Variants in GALNTL5 observed in about 807,000 individuals in gnomAD.
GALNTL5 encodes polypeptide N-acetylgalactosaminyltransferase like 5, also known as inactive polypeptide N-acetylgalactosaminyltransferase-like protein 5.
GALNTL5 carries 44 observed loss-of-function variants against 51.0 expected under a neutral mutation model. The observed-to-expected ratio is 0.86, with a 90% confidence interval of 0.68 to 1.11. The LOEUF (loss-of-function observed/expected upper bound fraction) is 1.11. Ranked by LOEUF, GALNTL5 falls within the 50% of genes least tolerant of loss-of-function variation. GALNTL5 has a pLI of 0.00. For synonymous variants in GALNTL5, 192 were observed against 182.8 expected (o/e 1.05, Z -0.41); for missense variants, 528 against 531.8 (o/e 0.99, Z 0.07).
Position 151,971,053 on chromosome 7 carries a change from C to T in GALNTL5, c.356C>T (p.Thr119Ile). 1 of 1,609,128 alleles carries T rather than the reference C, an allele frequency of 6.2e-7. No individual in the cohort carries two copies. Among genetic ancestry groups the T allele is most frequent in the Non-Finnish European group, 8.5e-7 (1 of 1,176,302 alleles). The change falls in exon 3 of 9, where the codon ACC becomes ATC. Residue 119 changes from threonine to isoleucine, a missense_variant. Coordinates refer to ENST00000392800, the MANE Select transcript of GALNTL5 (RefSeq NM_145292.4). ...GGCATCGAAAGAGAAGTGCCAGATA[C>T]CAGGAGTAAAATGTATGTTGTCTCT... ...SLGIEREVPD[T>I]RSKMCLQKHY...
chr7:151,997,214 G>C (rs562705183), intron 5 of GALNTL5, among the ~76,000 whole-genome samples: 1 of 152,164 alleles, frequency 6.6e-6, no homozygotes, highest in Non-Finnish European at 1.5e-5. Flanking sequence ...CCTCTATCAG[G>C]CAGGCTTGAC....
chr7:151,967,155 C>A lies in GALNTL5; in HGVS notation c.-39-53C>A, dbSNP rs1179802042. 5 of 1,203,238 alleles carry A rather than the reference C, an allele frequency of 4.2e-6. No homozygotes were observed. The African/African-American group carries it at 4.6e-5, about 11-fold the overall frequency. The allele number at this position is 1,203,238 out of a possible 1,614,324, so 74.5% of individuals were successfully genotyped here. On this transcript the variant is annotated intron_variant, in intron 1 of 8. Transcript: ENST00000392800. ...ATGGAATTTAAGCCAAGTAGGTGATCTACAAACCATTGGAATATCTAATGC... is the reference window on the plus strand; with the variant it reads ...ATGGAATTTAAGCCAAGTAGGTGATATACAAACCATTGGAATATCTAATGC...
chr7:151,994,208 G>A (rs2081463387), intron 5 of GALNTL5, among the ~76,000 whole-genome samples: 1 of 152,214 alleles, frequency 6.6e-6, no homozygotes, highest in African/African-American at 2.4e-5. Context: ...ACAAGTATGG[G>A]ATCCTGTTGT....
chr7:151,998,505 C>T (rs2081528415), intron 5 of GALNTL5, among the ~76,000 whole-genome samples: 1 of 152,146 alleles, frequency 6.6e-6, no homozygotes, highest in Non-Finnish European at 1.5e-5. Context: ...GGCATGGTGG[C>T]TCACGCCCAT....
intron 1 of GALNTL5, among the ~76,000 whole-genome samples, chr7:151,957,332 T>C (rs2080938036): frequency 6.7e-6 from 1 of 149,190 alleles, no homozygotes; most frequent in Non-Finnish European, 1.5e-5. Context: ...TCACTTGAGC[T>C]CAGGAGTTTG....
At chr7:152,008,109 A>G (rs79247282) in intron 7 of GALNTL5, among the ~76,000 whole-genome samples, 165 bp downstream of exon 7, 1,668 of 152,206 alleles carry the variant, frequency 0.011, 25 homozygotes, top group African/African-American at 0.036. Flanking sequence ...AATGGAAAAC[A>G]TTTAATAAAA....
In GALNTL5 at chr7:151,970,958, C is replaced by G. The variant is rs1443251339; in HGVS notation, c.261C>G (p.Asn87Lys). 6.3e-7 allele frequency: 1 copy of G among 1,599,324 alleles called. No individual in the cohort carries two copies. Among genetic ancestry groups the G allele is most frequent in the Non-Finnish European group, 8.6e-7 (1 of 1,168,476 alleles). The change falls in exon 3 of 9, where the codon AAC (asparagine) becomes AAG (lysine). Residue 87 changes from asparagine (N) to lysine (K), a missense_variant. Transcript: ENST00000392800. ...KAKSMLGTDF[N>K]HTNPELHKEL... ...ATTTTCTTGCAGGTACAGATTTTAA[C>G]CATACAAACCCAGAACTTCATAAAG... is the stretch of plus-strand genomic sequence containing the variant.
At chr7:151,998,635 G>A (rs2081530104) in intron 5 of GALNTL5, among the ~76,000 whole-genome samples, 1 of 152,100 alleles carries the variant, frequency 6.6e-6, no homozygotes, top group African/African-American at 2.4e-5. Context: ...AGCTGGACAT[G>A]TTGGCAGGTG....
At chr7:151,998,784 C>CAA (rs1329221319) in intron 5 of GALNTL5, among the ~76,000 whole-genome samples, 1 of 46,056 alleles carries the variant, frequency 2.2e-5, no homozygotes, top group Non-Finnish European at 5.9e-5. Flanking sequence ...AAAAAAAAAA[C>CAA]AAAAAACAAA....
intron 3 of GALNTL5, among the ~76,000 whole-genome samples, chr7:151,973,332 A>T (rs796914166): frequency 4.6e-5 from 7 of 151,558 alleles, no homozygotes; most frequent in African/African-American, 1.7e-4. Context: ...AGGCATGGTG[A>T]TGCGTGCCTA....
chr7:151,990,592 A>AAAAAAAAAAAAAAAAAC (rs1268626448), intron 5 of GALNTL5, among the ~76,000 whole-genome samples: 1 of 147,078 alleles, frequency 6.8e-6, no homozygotes, highest in Non-Finnish European at 1.5e-5. Context: ...AAAAAAAAAA[A>AAAAAAAAAAAAAAAAAC]GCCCACTTTC....
intron 3 of GALNTL5, among the ~76,000 whole-genome samples, chr7:151,979,159 G>A (rs1359070340): frequency 6.9e-6 from 1 of 145,106 alleles, no homozygotes; most frequent in Non-Finnish European, 1.5e-5. Flanking sequence ...ACCCAGGCTG[G>A]AGTGCAGTGG....
At chr7:151,994,260 A>G (rs970443408) in intron 5 of GALNTL5, among the ~76,000 whole-genome samples, 4 of 152,060 alleles carry the variant, frequency 2.6e-5, no homozygotes, top group Admixed American at 6.6e-5. Context: ...TCCTTAACTT[A>G]TCTCTTGCCG....
At chr7:151,988,759 G>C (rs1473312279) in intron 5 of GALNTL5, among the ~76,000 whole-genome samples, 1 of 148,824 alleles carries the variant, frequency 6.7e-6, no homozygotes, top group Admixed American at 6.8e-5. Context: ...ACCCAGGCTG[G>C]AGTGCAATGG....
At position 152,001,183 on chromosome 7, in the gene GALNTL5, G is replaced by C. The variant is rs1312235844; in HGVS notation, c.659-1531G>C. On this transcript the variant is annotated intron_variant, in intron 5 of 8. Transcript: ENST00000392800. ...CCCCCTCAGCCTCCCAAAGTGCTGG[G>C]ATTACAGGCATAAGCCACCGCACCA... is the stretch of plus-strand genomic sequence containing the variant. Among the ~76,000 whole-genome samples, 26 of 151,064 alleles carry C rather than the reference G, an allele frequency of 1.7e-4. 1 individual carries two copies. The highest frequency in any genetic ancestry group is 2.9e-5 in the Non-Finnish European group (2 of 67,864).
intron 2 of GALNTL5, among the ~76,000 whole-genome samples, chr7:151,968,366 T>C (rs1287278183): frequency 2.6e-5 from 4 of 151,948 alleles, no homozygotes; most frequent in Non-Finnish European, 2.9e-5. Flanking sequence ...CAAAGAAAGA[T>C]GAAGAAAATA....
intron 1 of GALNTL5, among the ~76,000 whole-genome samples, chr7:151,962,127 T>C (rs914443241): frequency 1.3e-5 from 2 of 151,556 alleles, no homozygotes; most frequent in African/African-American, 4.8e-5. Context: ...CTCAGCCTCC[T>C]GAGTAGCTGA....
chr7:151,981,085 T>A (rs2081279097), intron 3 of GALNTL5, among the ~76,000 whole-genome samples: 1 of 152,132 alleles, frequency 6.6e-6, no homozygotes, highest in Non-Finnish European at 1.5e-5. Context: ...CTGGCCCCAG[T>A]TGATTAACCC....
At chr7:151,975,379 A>G (rs1405914522) in intron 3 of GALNTL5, among the ~76,000 whole-genome samples, 1 of 152,002 alleles carries the variant, frequency 6.6e-6, no homozygotes, top group South Asian at 2.1e-4. Context: ...GTAGTCTTTT[A>G]TGATTCTCTG....
Sources: allele counts gnomAD v4.1 joint callset (sites outside exome capture counted in the v4.1 genomes callset), GRCh38; gene constraint gnomAD v4.1.1; transcripts MANE v1.5; gene names NCBI Gene and HGNC (gene_info 2026-07-23, HGNC 2026-07-21).